RPH3A: variants seen among roughly 807,000 people sequenced by gnomAD.
RPH3A encodes the protein rabphilin 3A, also known as rabphilin-3A.
RPH3A carries 48 observed loss-of-function variants against 102.2 expected under a neutral mutation model. The observed-to-expected ratio is 0.47, with a 90% CI of 0.37 to 0.60. The LOEUF (loss-of-function observed/expected upper bound fraction) is 0.60, where lower values mean the gene tolerates loss of function less well. Among genes scored for constraint, RPH3A ranks in the 20% least tolerant of loss-of-function variants. RPH3A has a pLI of 0.00. For synonymous variants in RPH3A, 310 were observed against 324.3 expected, an observed-to-expected ratio of 0.96 and a Z score of 0.47; for missense variants, 781 against 910.1, an observed-to-expected ratio of 0.86 and a Z score of 1.83.
At chr12:112,736,259 C>T (rs148046570) in intron 1 of RPH3A, among the ~76,000 whole-genome samples, 3 of 152,200 alleles carry the variant, frequency 2.0e-5, no homozygotes, top group African/African-American at 7.2e-5. Context: ...AAACTGCCTC[C>T]AGACATTGCC....
intron 2 of RPH3A, among the ~76,000 whole-genome samples, chr12:112,819,992 C>T (rs2041750301): frequency 6.6e-6 from 1 of 152,218 alleles, no homozygotes; most frequent in Admixed American, 6.5e-5. Context: ...AAATAGATTT[C>T]ACCTCTGGAT....
intron 2 of RPH3A, among the ~76,000 whole-genome samples, chr12:112,827,491 G>A (rs2041898151): frequency 6.6e-6 from 1 of 152,138 alleles, no homozygotes; most frequent in Non-Finnish European, 1.5e-5. Flanking sequence ...TGGTTATTAT[G>A]AATAATGAAT....
intron 1 of RPH3A, among the ~76,000 whole-genome samples, chr12:112,705,048 A>G (rs976327187): frequency 6.6e-6 from 1 of 152,216 alleles, no homozygotes; most frequent in Non-Finnish European, 1.5e-5. Flanking sequence ...TGGAGGCTCT[A>G]TGTGGTGAAA....
At chr12:112,831,626 C>G (rs150260987) in intron 3 of RPH3A, 248 of 243,844 alleles carry the variant, frequency 1.0e-3, no homozygotes, top group African/African-American at 5.6e-3. Context: ...AATCTTGGTG[C>G]TTCTTGGGGC....
At chr12:112,646,860 G>A (rs915441344) in intron 1 of RPH3A, among the ~76,000 whole-genome samples, 2 of 152,186 alleles carry the variant, frequency 1.3e-5, no homozygotes, top group African/African-American at 2.4e-5. Context: ...CCAACTCACA[G>A]AGTTGGTTTG....
At chr12:112,863,857 G>A (rs1456321718) in intron 5 of RPH3A, among the ~76,000 whole-genome samples, 4 of 152,204 alleles carry the variant, frequency 2.6e-5, no homozygotes, top group South Asian at 4.1e-4. Context: ...ATATATGTGT[G>A]GGGAGTGAGC....
chr12:112,774,665 C>T (rs2040952871), intron 1 of RPH3A, among the ~76,000 whole-genome samples: 1 of 152,076 alleles, frequency 6.6e-6, no homozygotes, highest in African/African-American at 2.4e-5. Flanking sequence ...CCTCAGCAAA[C>T]TAATGCAGGA....
intron 1 of RPH3A, among the ~76,000 whole-genome samples, chr12:112,678,762 C>T (rs1050532734): frequency 2.0e-5 from 3 of 152,030 alleles, no homozygotes; most frequent in Non-Finnish European, 2.9e-5. Flanking sequence ...GAGATGGGGA[C>T]GGGACACAGC....
upstream of RPH3A, chr12:112,791,730 G>T (rs1334554878): frequency 1.3e-5 from 2 of 152,014 alleles, no homozygotes; most frequent in Non-Finnish European, 2.9e-5. Context: ...GGAAGCTGCC[G>T]CCCCGCTTCC....
chr12:112,673,519 T>C (rs961023495), intron 1 of RPH3A, among the ~76,000 whole-genome samples: 2 of 150,948 alleles, frequency 1.3e-5, no homozygotes, highest in Non-Finnish European at 2.9e-5. Context: ...TTTGTAGAGA[T>C]GGGTTCTTTT....
At chr12:112,757,368 G>A (rs1351185405) in intron 1 of RPH3A, among the ~76,000 whole-genome samples, 2 of 152,130 alleles carry the variant, frequency 1.3e-5, no homozygotes, top group African/African-American at 2.4e-5. Flanking sequence ...AATTTCCAGG[G>A]GCTGTCATAG....
At chr12:112,794,495 T>C (rs2041188315) in intron 2 of RPH3A, among the ~76,000 whole-genome samples, 1 of 152,224 alleles carries the variant, frequency 6.6e-6, no homozygotes, top group Non-Finnish European at 1.5e-5. Context: ...GAAAGGGGTC[T>C]GCTTTATTTA....
rs1416199224 is a variant in RPH3A at position 112,627,140 on chromosome 12, CAT to C, written c.-140+51822_-140+51823del. Among the ~76,000 whole-genome samples the C allele has an allele frequency of 1.0e-4, 15 of 144,694 alleles. 1 individual carries two copies. The highest frequency in any genetic ancestry group is 3.6e-4 in the African/African-American group (14 of 39,268). The allele number at this position is 144,694 out of a possible 152,430, so 94.9% of individuals were successfully genotyped here. A position where few individuals can be genotyped will look rare whatever the true frequency, so the allele number is the denominator to read the frequency against. On this transcript the variant is annotated intron_variant, in intron 1 of 21. Coordinates refer to the RPH3A transcript ENST00000543106. ...CGAGTTAGTGGGTGCAGCGCACCAG[CAT>C]GGCACATGTATACATATGTAACTAA...
intron 1 of RPH3A, among the ~76,000 whole-genome samples, chr12:112,768,173 C>T (rs574726265): frequency 6.6e-6 from 1 of 152,314 alleles, no homozygotes; most frequent in South Asian, 2.1e-4. Context: ...GCCCCTGACT[C>T]ACGGTAACCG....
intron 3 of RPH3A, among the ~76,000 whole-genome samples, chr12:112,830,347 CT>C (rs981042134): frequency 3.3e-5 from 5 of 151,908 alleles, no homozygotes; most frequent in Non-Finnish European, 7.4e-5. Context: ...TAATTTATTA[CT>C]TTTTTTGTTA....
At chr12:112,801,189 T>G (rs1316479332) in intron 2 of RPH3A, among the ~76,000 whole-genome samples, 1 of 152,104 alleles carries the variant, frequency 6.6e-6, no homozygotes, top group Admixed American at 6.5e-5. Flanking sequence ...TCTGATCTGA[T>G]CTGAACCTGT....
chr12:112,693,044 A>G (rs149777779), intron 1 of RPH3A, among the ~76,000 whole-genome samples: 3 of 152,340 alleles, frequency 2.0e-5, no homozygotes, highest in African/African-American at 7.2e-5. Flanking sequence ...CTAGGTTTCT[A>G]TTCATGAGTC....
intron 1 of RPH3A, among the ~76,000 whole-genome samples, chr12:112,644,061 G>C (rs573343913): frequency 6.6e-6 from 1 of 152,308 alleles, no homozygotes; most frequent in African/African-American, 2.4e-5. Context: ...GTCAAATACT[G>C]CATGTTCTCA....
At chr12:112,661,419 T>C (rs961834758) in intron 1 of RPH3A, among the ~76,000 whole-genome samples, 1 of 152,188 alleles carries the variant, frequency 6.6e-6, no homozygotes, top group Non-Finnish European at 1.5e-5. Flanking sequence ...CCTGCTTTCT[T>C]AGGCAGGTGT....
Sources: gnomAD v4.1 joint callset for allele counts (sites outside exome capture counted in the v4.1 genomes callset) on GRCh38, gnomAD v4.1.1 for gene constraint, MANE v1.5 for transcripts, NCBI Gene and HGNC (gene_info 2026-07-23, HGNC 2026-07-21) for gene names.